Variants in EPB41L3 observed in about 807,000 individuals in gnomAD.
EPB41L3 encodes the protein erythrocyte membrane protein band 4.1 like 3.
In EPB41L3, 57 loss-of-function variants were observed where a neutral mutation model predicts 127.1. The observed-to-expected ratio is 0.45, with a 90% CI of 0.36 to 0.56. EPB41L3 has a LOEUF of 0.56. Among genes scored for constraint, EPB41L3 ranks in the 20% least tolerant of loss-of-function variants. EPB41L3 has a pLI of 0.00. For missense variants in EPB41L3, 1,273 were observed against 1,372.2 expected (o/e 0.93, Z 1.14); for synonymous variants, 572 against 549.5 (o/e 1.04, Z -0.57).
At chr18:5,490,079 C>A (rs982673276) in intron 1 of EPB41L3, among the ~76,000 whole-genome samples, 1 of 152,164 alleles carries the variant, frequency 6.6e-6, no homozygotes, top group South Asian at 2.1e-4. Flanking sequence ...ACCTAAATAA[C>A]TTATTTCTTG....
chr18:5,449,903 TAAC>T, intron 3 of EPB41L3, among the ~76,000 whole-genome samples: 1 of 152,330 alleles, frequency 6.6e-6, no homozygotes, highest in Middle Eastern at 3.4e-3. Context: ...AGTAAGAGAT[TAAC>T]AATAAGTGAT....
chr18:5,572,097 C>T (rs1045149014), intron 3 of EPB41L3, among the ~76,000 whole-genome samples: 1 of 152,136 alleles, frequency 6.6e-6, no homozygotes, highest in Non-Finnish European at 1.5e-5. Flanking sequence ...TTGGGAGTCT[C>T]CCACTCTACA....
intron 3 of EPB41L3, among the ~76,000 whole-genome samples, chr18:5,454,971 G>A (rs961262324): frequency 1.3e-5 from 2 of 152,126 alleles, no homozygotes; most frequent in African/African-American, 4.8e-5. Context: ...GCTGGACTCT[G>A]GTTCTACAAC....
chr18:5,584,889 T>TA (rs1398909157), intron 3 of EPB41L3, among the ~76,000 whole-genome samples: 4 of 152,088 alleles, frequency 2.6e-5, no homozygotes, highest in Non-Finnish European at 5.9e-5. Flanking sequence ...CTGTCTTAAA[T>TA]AAAAAAATGA....
At position 5,443,930 on chromosome 18, in the gene EPB41L3, A is replaced by T. The variant is rs1257423521; in HGVS notation, c.487-50T>A. ...TTTGAATCAGAGGAGAATAAAAATGACTTAATGTTGATTAGGTACAGACTC... is the reference window on the plus strand; with the variant it reads ...TTTGAATCAGAGGAGAATAAAAATGTCTTAATGTTGATTAGGTACAGACTC... On this transcript the variant is annotated intron_variant, in intron 4 of 22. Transcript: ENST00000341928. 6 of 1,509,524 alleles carry T rather than the reference A, an allele frequency of 4.0e-6. No individual in the cohort carries two copies. The South Asian group carries it at 5.8e-5, about 15-fold the overall frequency. 93.5% of individuals were successfully genotyped at this position (1,509,524 alleles called of 1,614,324 possible).
chr18:5,438,002 T>A, intron 6 of EPB41L3, 33 bp downstream of exon 6: 1 of 1,598,572 alleles, frequency 6.3e-7, no homozygotes, highest in East Asian at 2.2e-5. Flanking sequence ...TCTCCCAATA[T>A]GCTTGTCTTT....
intron 3 of EPB41L3, among the ~76,000 whole-genome samples, chr18:5,569,798 A>C (rs575870318): frequency 5.6e-4 from 86 of 152,300 alleles, no homozygotes; most frequent in Admixed American, 2.0e-3. Context: ...TTGTATTTTA[A>C]TAGTAAACTT....
intron 1 of EPB41L3, among the ~76,000 whole-genome samples, chr18:5,527,922 C>T (rs1033757417): frequency 1.3e-5 from 2 of 152,052 alleles, no homozygotes; most frequent in Non-Finnish European, 2.9e-5. Context: ...TCAACATACA[C>T]GGATCTCAAT....
In EPB41L3 at chr18:5,428,404, T is replaced by G; in HGVS notation, c.974A>C (p.Asp325Ala). Residue 325 changes from aspartate (D) to alanine (A), a missense_variant, in exon 9 of 23, where the codon GAC becomes GCC. By Grantham distance (126) the Asp-to-Ala change is moderately radical (BLOSUM62 -2). This residue lies in a region of EPB41L3 where 326 missense variants were observed against 440.2 expected (regional missense o/e 0.74). Coordinates refer to ENST00000341928, the MANE Select transcript of EPB41L3 (RefSeq NM_012307.5). ...VCASGLLIYR[D>A]RLRINRFAWP... Reference sequence around the variant, plus strand: ...GGCAAATCTGTTTATTCGCAGCCGGTCGCGATATATCAACAGACCACTTGC... The same window carrying G: ...GGCAAATCTGTTTATTCGCAGCCGGGCGCGATATATCAACAGACCACTTGC... The G allele has an allele frequency of 6.2e-7, 1 of 1,614,204 alleles. No homozygotes were observed. Among genetic ancestry groups the G allele is most frequent in the Non-Finnish European group, 8.5e-7 (1 of 1,180,040 alleles).
chr18:5,569,932 A>G (rs1489557851), intron 3 of EPB41L3, among the ~76,000 whole-genome samples: 1 of 152,182 alleles, frequency 6.6e-6, no homozygotes, highest in Non-Finnish European at 1.5e-5. Context: ...CTATTTATGT[A>G]TCAAGTTTTC....
At chr18:5,630,389 A>C (rs748094088), upstream of EPB41L3, 9 of 518,642 alleles carry the variant, frequency 1.7e-5, no homozygotes, top group Middle Eastern at 1.0e-3. Flanking sequence ...GAGTCACCGA[A>C]GCCTTCCTTT....
chr18:5,485,448 G>A (rs556737553), intron 2 of EPB41L3, among the ~76,000 whole-genome samples: 1 of 152,076 alleles, frequency 6.6e-6, no homozygotes, highest in South Asian at 2.1e-4. Flanking sequence ...AGTAAAGGAT[G>A]CCCACTTTCA....
chr18:5,500,385 A>G (rs1345012217), intron 1 of EPB41L3, among the ~76,000 whole-genome samples: 1 of 152,210 alleles, frequency 6.6e-6, no homozygotes, highest in Non-Finnish European at 1.5e-5. Context: ...GAGTGAATAA[A>G]TTAAAACAGA....
chr18:5,596,390 C>T (rs1294498468), intron 3 of EPB41L3, among the ~76,000 whole-genome samples: 1 of 152,126 alleles, frequency 6.6e-6, no homozygotes, highest in African/African-American at 2.4e-5. Flanking sequence ...TCCTATATTA[C>T]AAAAGTAGAC....
chr18:5,550,674 C>G (rs911822693), intron 3 of EPB41L3, among the ~76,000 whole-genome samples: 1 of 152,164 alleles, frequency 6.6e-6, no homozygotes, highest in African/African-American at 2.4e-5. Context: ...AAGGCTTCTT[C>G]TATCAGGAGG....
At chr18:5,445,562 G>A (rs927459666) in intron 3 of EPB41L3, among the ~76,000 whole-genome samples, 1 of 152,160 alleles carries the variant, frequency 6.6e-6, no homozygotes, top group African/African-American at 2.4e-5. Context: ...TGTGATGCTT[G>A]GAAGCCTAAA....
intron 1 of EPB41L3, among the ~76,000 whole-genome samples, chr18:5,616,498 A>C (rs2094796952): frequency 6.6e-6 from 1 of 152,148 alleles, no homozygotes; most frequent in Admixed American, 6.5e-5. Flanking sequence ...CATATTATAT[A>C]AATAATATTG....
At chr18:5,535,564 TGTTA>T (rs2093547680) in intron 1 of EPB41L3, among the ~76,000 whole-genome samples, 1 of 152,170 alleles carries the variant, frequency 6.6e-6, no homozygotes, top group South Asian at 2.1e-4. Context: ...ATCTCTGGGA[TGTTA>T]GTAACTCTAG....
intron 1 of EPB41L3, among the ~76,000 whole-genome samples, chr18:5,534,027 G>A (rs972302620): frequency 1.3e-5 from 2 of 152,144 alleles, no homozygotes; most frequent in South Asian, 4.1e-4. Flanking sequence ...GCAAGGCGTG[G>A]TGGCGGGCGC....
Sources: gnomAD v4.1 joint callset for allele counts (sites outside exome capture counted in the v4.1 genomes callset) on GRCh38, gnomAD v4.1.1 for gene constraint, gnomAD v4.1.1 regional missense constraint, MANE v1.5 for transcripts, NCBI Gene and HGNC (gene_info 2026-07-23, HGNC 2026-07-21) for gene names.